The following SLC39A14 variants were observed in gnomAD, a reference collection of about 807,000 sequenced individuals.
The protein encoded by SLC39A14 is metal cation symporter ZIP14.
In SLC39A14, 19 loss-of-function variants were observed where a neutral mutation model predicts 45.5. The ratio of observed to expected loss-of-function variants is 0.42; its 90% CI spans 0.29 to 0.61. The LOEUF is 0.61. Ranked by LOEUF, SLC39A14 falls within the 20% of genes least tolerant of loss-of-function variation. The pLI, the probability that SLC39A14 is intolerant of heterozygous loss-of-function variation, is 0.22. For missense variants in SLC39A14, 447 were observed against 616.5 expected (o/e 0.73, Z 2.91); for synonymous variants, 264 against 251.3 (o/e 1.05, Z -0.48).
At chr8:22,372,622 G>A (rs376510995) in intron 1 of SLC39A14, among the ~76,000 whole-genome samples, 1 of 152,090 alleles carries the variant, frequency 6.6e-6, no homozygotes, top group Non-Finnish European at 1.5e-5. Context: ...AGCCATGTTC[G>A]GAATCCAGTT....
intron 4 of SLC39A14, among the ~76,000 whole-genome samples, chr8:22,413,169 C>T (rs1325444333): frequency 6.6e-6 from 1 of 152,178 alleles, no homozygotes; most frequent in African/African-American, 2.4e-5. Context: ...TTACAATAAG[C>T]ACAGGACGTC....
chr8:22,399,967 G>A (rs1834759855), intron 1 of SLC39A14, among the ~76,000 whole-genome samples: 1 of 152,312 alleles, frequency 6.6e-6, no homozygotes, highest in East Asian at 1.9e-4. Flanking sequence ...CCCAGAGCAC[G>A]AGCACTGTGA....
intron 4 of SLC39A14, among the ~76,000 whole-genome samples, chr8:22,413,196 C>T (rs538691254): frequency 1.3e-5 from 2 of 152,280 alleles, no homozygotes; most frequent in South Asian, 2.1e-4. Flanking sequence ...TGGGTGGTCT[C>T]GCAGGCCTGG....
At chr8:22,378,388 G>T (rs1285803371) in intron 1 of SLC39A14, among the ~76,000 whole-genome samples, 1 of 152,236 alleles carries the variant, frequency 6.6e-6, no homozygotes, top group Non-Finnish European at 1.5e-5. Flanking sequence ...TAGGGTGTCA[G>T]TTGGGTTTTC....
chr8:22,386,854 G>A (rs777134400), intron 1 of SLC39A14, among the ~76,000 whole-genome samples: 11 of 152,264 alleles, frequency 7.2e-5, no homozygotes, highest in South Asian at 4.1e-4. Flanking sequence ...CCTGGAGGGG[G>A]CCTTGAAGAA....
Position 22,421,433 on chromosome 8 carries a change from C to G in SLC39A14, c.*1735C>G. The G allele has an allele frequency of 1.0e-6, 1 of 985,620 alleles. No homozygotes were observed. The highest frequency in any genetic ancestry group is 4.7e-5 in the South Asian group (1 of 21,282). 61.1% of individuals were successfully genotyped at this position (985,620 alleles called of 1,614,324 possible). A position where few individuals can be genotyped will look rare whatever the true frequency, so the allele number is the denominator to read the frequency against. ...GTTGGCTTCAATACATTTGAGAATA[C>G]GCTGAAGAGGGAAAATTTCAGTGAT... On this transcript the variant is annotated 3_prime_UTR_variant, in exon 9 of 9. Coordinates refer to ENST00000381237, the MANE Select transcript of SLC39A14 (RefSeq NM_001128431.4).
At chr8:22,408,153 G>A (rs142397176) in intron 2 of SLC39A14, among the ~76,000 whole-genome samples, 157 bp from the exon 3 acceptor site, 1 of 152,288 alleles carries the variant, frequency 6.6e-6, no homozygotes, top group Non-Finnish European at 1.5e-5. Flanking sequence ...GGAATACCTT[G>A]CCCTCATCCC....
chr8:22,405,106 G>C (rs1406647373), intron 2 of SLC39A14, 126 bp downstream of exon 2: 2 of 809,576 alleles, frequency 2.5e-6, no homozygotes, highest in Non-Finnish European at 1.9e-6. Flanking sequence ...GACAAGTCTC[G>C]ATGATAGAGT....
At chr8:22,398,486 C>T (rs757544923) in intron 1 of SLC39A14, among the ~76,000 whole-genome samples, 5 of 151,974 alleles carry the variant, frequency 3.3e-5, no homozygotes, top group African/African-American at 7.3e-5. Context: ...TGTGTTTCTG[C>T]GCCCAGAATC....
At chr8:22,432,258 G>C (rs556233374) in intron 8 of SLC39A14, among the ~76,000 whole-genome samples, 8 of 152,098 alleles carry the variant, frequency 5.3e-5, no homozygotes, top group Non-Finnish European at 1.2e-4. Context: ...CTTGAGCCCA[G>C]GGAGATAGAG....
chr8:22,431,455 A>G (rs575154343), intron 8 of SLC39A14, among the ~76,000 whole-genome samples: 35 of 152,340 alleles, frequency 2.3e-4, no homozygotes, highest in African/African-American at 8.4e-4. Context: ...ATATAAATAG[A>G]AACTGACGCC....
chr8:22,415,498 G>A (rs1050661190), intron 5 of SLC39A14: 20 of 386,260 alleles, frequency 5.2e-5, no homozygotes, highest in African/African-American at 2.6e-4. Context: ...GTCTCGCTTC[G>A]TTGCCCAGGC....
chr8:22,409,812 C>A, intron 3 of SLC39A14: 1 of 852,602 alleles, frequency 1.2e-6, no homozygotes, highest in Non-Finnish European at 1.9e-6. Context: ...ATGGACTCAG[C>A]AAATGTTTAC....
chr8:22,422,727 G>A lies in SLC39A14; in HGVS notation c.*3029G>A, dbSNP rs1418969519. On this transcript the variant is annotated 3_prime_UTR_variant, in exon 9 of 9. Coordinates refer to ENST00000381237, the MANE Select transcript of SLC39A14 (RefSeq NM_001128431.4). Reference sequence around the variant, plus strand: ...TTGCAATAAATGTGGATGTAATGAAGGCTGTTGAACACAAGGTGGCGATGG... The same window carrying A: ...TTGCAATAAATGTGGATGTAATGAAAGCTGTTGAACACAAGGTGGCGATGG... 1 of 985,056 alleles carries A rather than the reference G, an allele frequency of 1.0e-6. No individual in the cohort carries two copies. Among genetic ancestry groups the A allele is most frequent in the East Asian group, 1.1e-4 (1 of 8,822 alleles). The allele number at this position is 985,056 out of a possible 1,614,324, so 61.0% of individuals were successfully genotyped here. A position where few individuals can be genotyped will look rare whatever the true frequency, so the allele number is the denominator to read the frequency against.
Position 22,422,450 on chromosome 8 carries a change from A to C in SLC39A14, c.*2752A>C. The C allele has an allele frequency of 2.0e-6, 2 of 985,890 alleles. No individual in the cohort carries two copies. The highest frequency in any genetic ancestry group is 2.4e-6 in the Non-Finnish European group (2 of 829,946). 61.1% of individuals were successfully genotyped at this position (985,890 alleles called of 1,614,324 possible). ...CTGAGTATAGTAAGTCCTCTTCCAA[A>C]GAGATGGCAATATGCTGGGCATCTA... On this transcript the variant is annotated 3_prime_UTR_variant, in exon 9 of 9. Coordinates refer to ENST00000381237, the MANE Select transcript of SLC39A14 (RefSeq NM_001128431.4).
chr8:22,377,008 A>G (rs1833254446), intron 1 of SLC39A14, among the ~76,000 whole-genome samples: 2 of 152,168 alleles, frequency 1.3e-5, no homozygotes, highest in Admixed American at 6.5e-5. Context: ...TTTAGCACCC[A>G]TCTGTAGACC....
Position 22,422,488 on chromosome 8 carries a change from G to A in SLC39A14, c.*2790G>A, listed in dbSNP as rs1052935213. On this transcript the variant is annotated 3_prime_UTR_variant, in exon 9 of 9. Transcript: ENST00000381237. ...TGCTGGGCATCTACTTTAAAACAAA[G>A]TTGTCTGATTTTTGCAAGAGAGGTT... is the stretch of plus-strand genomic sequence containing the variant. 6.8e-5 allele frequency: 67 copies of A among 985,854 alleles called. 1 individual carries two copies. The South Asian group carries it at 1.6e-3, about 23-fold the overall frequency. 61.1% of individuals were successfully genotyped at this position (985,854 alleles called of 1,614,324 possible). A position where few individuals can be genotyped will look rare whatever the true frequency, so the allele number is the denominator to read the frequency against.
intron 1 of SLC39A14, among the ~76,000 whole-genome samples, chr8:22,399,534 G>A (rs1347196994): frequency 6.6e-6 from 1 of 152,228 alleles, no homozygotes; most frequent in Non-Finnish European, 1.5e-5. Flanking sequence ...ACCCCATGGA[G>A]ACAGGTCTAG....
intron 1 of SLC39A14, among the ~76,000 whole-genome samples, chr8:22,373,744 G>A (rs944998743): frequency 2.0e-5 from 3 of 150,052 alleles, no homozygotes; most frequent in Admixed American, 6.6e-5. Context: ...ATTCTTCAGG[G>A]TTTTTTGTTT....
Sources: gnomAD v4.1 joint callset for allele counts (sites outside exome capture counted in the v4.1 genomes callset) on GRCh38, gnomAD v4.1.1 for gene constraint, MANE v1.5 for transcripts, NCBI Gene and HGNC (gene_info 2026-07-23, HGNC 2026-07-21) for gene names.